Variants in FHIT observed in about 807,000 individuals in gnomAD.
FHIT encodes fragile histidine triad diadenosine triphosphatase.
A neutral mutation model predicts 17.9 loss-of-function variants in FHIT; 19 were observed. The ratio of observed to expected loss-of-function variants is 1.06; its 90% confidence interval spans 0.74 to 1.56. FHIT has a LOEUF of 1.56. Among genes scored for constraint, FHIT ranks in the 40% most tolerant of loss-of-function variants. FHIT has a pLI of 0.00. For synonymous variants in FHIT, 81 were observed against 69.7 expected (o/e 1.16, Z -0.81); for missense variants, 248 against 189.2 (o/e 1.31, Z -1.82).
chr3:60,867,229 A>G (rs560953940), intron 3 of FHIT, among the ~76,000 whole-genome samples: 4 of 152,310 alleles, frequency 2.6e-5, no homozygotes, highest in South Asian at 2.1e-4. Flanking sequence ...CCCATAAACT[A>G]CATTTGTTAC....
chr3:60,199,161 G>A (rs1702783948), intron 5 of FHIT, among the ~76,000 whole-genome samples: 2 of 152,202 alleles, frequency 1.3e-5, no homozygotes, highest in South Asian at 2.1e-4. Context: ...ATTACCTTGG[G>A]ACAAAAGTTG....
At chr3:60,614,390 G>C (rs1434093656) in intron 4 of FHIT, among the ~76,000 whole-genome samples, 3 of 152,140 alleles carry the variant, frequency 2.0e-5, no homozygotes, top group Non-Finnish European at 2.9e-5. Flanking sequence ...GATGACCTGA[G>C]GTCAGGAGTT....
At chr3:59,994,193 T>A (rs1199960322) in intron 7 of FHIT, among the ~76,000 whole-genome samples, 2 of 152,032 alleles carry the variant, frequency 1.3e-5, no homozygotes, top group Non-Finnish European at 2.9e-5. Flanking sequence ...AAAAATAAGA[T>A]AAGCCATGTG....
At chr3:60,407,291 C>T (rs576657780) in intron 5 of FHIT, among the ~76,000 whole-genome samples, 2 of 151,910 alleles carry the variant, frequency 1.3e-5, no homozygotes, top group African/African-American at 4.8e-5. Context: ...GAAAAAATGT[C>T]GGAAAAGCCT....
chr3:60,641,887 C>T (rs183273980), intron 4 of FHIT, among the ~76,000 whole-genome samples: 4 of 151,982 alleles, frequency 2.6e-5, no homozygotes, highest in Non-Finnish European at 4.4e-5. Flanking sequence ...GATTTGAAGC[C>T]CCTGGTACTA....
chr3:60,488,762 T>C (rs893313239), intron 5 of FHIT, among the ~76,000 whole-genome samples: 4 of 152,186 alleles, frequency 2.6e-5, no homozygotes, highest in Non-Finnish European at 5.9e-5. Flanking sequence ...TAATATGCTA[T>C]AGAATTATCT....
intron 1 of FHIT, among the ~76,000 whole-genome samples, chr3:61,210,245 C>A (rs928952638): frequency 6.6e-6 from 1 of 152,216 alleles, no homozygotes; most frequent in African/African-American, 2.4e-5. Flanking sequence ...TTAGGCTACT[C>A]GGGGGTCAGG....
At chr3:61,012,333 T>G (rs1008777697) in intron 3 of FHIT, among the ~76,000 whole-genome samples, 3 of 152,144 alleles carry the variant, frequency 2.0e-5, no homozygotes, top group Admixed American at 6.5e-5. Flanking sequence ...AAATTCTTTT[T>G]CAAGACAGTT....
At chr3:60,906,647 G>A (rs1210773996) in intron 3 of FHIT, among the ~76,000 whole-genome samples, 2 of 152,184 alleles carry the variant, frequency 1.3e-5, no homozygotes, top group African/African-American at 4.8e-5. Flanking sequence ...AAACGACATA[G>A]GAACTAGCAT....
At chr3:61,175,621 G>T (rs1417261138) in intron 2 of FHIT, among the ~76,000 whole-genome samples, 1 of 152,090 alleles carries the variant, frequency 6.6e-6, no homozygotes, top group African/African-American at 2.4e-5. Flanking sequence ...AGTCATGAGG[G>T]CGAGGCTCTC....
chr3:59,945,807 T>C (rs1706773515), intron 7 of FHIT, among the ~76,000 whole-genome samples: 1 of 152,242 alleles, frequency 6.6e-6, no homozygotes, highest in South Asian at 2.1e-4. Context: ...TTTCCCCTTT[T>C]GGTCAGCTTT....
At chr3:60,904,420 A>G (rs1346237609) in intron 3 of FHIT, among the ~76,000 whole-genome samples, 1 of 152,038 alleles carries the variant, frequency 6.6e-6, no homozygotes, top group Admixed American at 6.6e-5. Flanking sequence ...AAAACATGAG[A>G]GAATTTCTGT....
chr3:60,456,654 T>C (rs2032113681), intron 5 of FHIT, among the ~76,000 whole-genome samples: 1 of 152,128 alleles, frequency 6.6e-6, no homozygotes, highest in Non-Finnish European at 1.5e-5. Context: ...GCTGCAGCTA[T>C]TTGGAGGCAG....
At chr3:59,876,125 A>C (rs1703147966) in intron 8 of FHIT, among the ~76,000 whole-genome samples, 1 of 152,080 alleles carries the variant, frequency 6.6e-6, no homozygotes, top group Non-Finnish European at 1.5e-5. Flanking sequence ...GCCTGTATTT[A>C]ATGCCACTGA....
At chr3:60,726,466 G>A (rs2041918279) in intron 4 of FHIT, among the ~76,000 whole-genome samples, 1 of 152,226 alleles carries the variant, frequency 6.6e-6, no homozygotes, top group East Asian at 1.9e-4. Context: ...TAAAACTATA[G>A]AGCAACTTGA....
chr3:59,938,675 A>G (rs1324158281), intron 7 of FHIT, among the ~76,000 whole-genome samples: 1 of 152,212 alleles, frequency 6.6e-6, no homozygotes, highest in Admixed American at 6.5e-5. Flanking sequence ...CATGTTGTAT[A>G]CCTCAAATAC....
intron 5 of FHIT, among the ~76,000 whole-genome samples, chr3:60,038,755 AAAAT>A (rs1312503852): frequency 6.6e-6 from 1 of 152,254 alleles, no homozygotes. Context: ...ACATGAAAAG[AAAAT>A]TAACATTCAT....
At chr3:60,122,005 T>C (rs892692764) in intron 5 of FHIT, among the ~76,000 whole-genome samples, 9 of 152,102 alleles carry the variant, frequency 5.9e-5, no homozygotes, top group African/African-American at 1.9e-4. Flanking sequence ...CTTTCCTAAG[T>C]ATTGTGAGAA....
chr3:60,059,453 C>G (rs964962657), intron 5 of FHIT, among the ~76,000 whole-genome samples: 1 of 152,122 alleles, frequency 6.6e-6, no homozygotes, highest in Admixed American at 6.5e-5. Flanking sequence ...CCCAGAAGTA[C>G]AACAACATAT....
Sources: allele counts gnomAD v4.1 joint callset (sites outside exome capture counted in the v4.1 genomes callset), GRCh38; gene constraint gnomAD v4.1.1; transcripts MANE v1.5; gene names NCBI Gene and HGNC (gene_info 2026-07-23, HGNC 2026-07-21).